Variants in ZNF37A observed in about 807,000 individuals in gnomAD.
ZNF37A encodes zinc finger protein 37a (KOX 21).
ZNF37A carries 10 observed loss-of-function variants against 12.3 expected under a neutral mutation model. The ratio of observed to expected loss-of-function variants is 0.82; its 90% confidence interval spans 0.50 to 1.38. The LOEUF is 1.38. ZNF37A is among the 40% of genes most tolerant of loss of function. ZNF37A has a pLI of 0.00. For missense variants in ZNF37A, 580 were observed against 651.2 expected (o/e 0.89, Z 1.19); for synonymous variants, 207 against 223.0 (o/e 0.93, Z 0.64).
At chr10:38,096,513 G>A (rs2474573) in intron 4 of ZNF37A, 61 bp from the exon 5 acceptor site, 562,851 of 1,182,806 alleles carry the variant, frequency 0.48, 136,363 homozygotes, top group Admixed American at 0.55. Context: ...ATGTTTTGCC[G>A]GCTGCGAAGT....
At chr10:38,133,553 A>G (rs1449876080) in intron 7 of ZNF37A, among the ~76,000 whole-genome samples, 1 of 145,304 alleles carries the variant, frequency 6.9e-6, no homozygotes, top group Non-Finnish European at 1.5e-5. Context: ...CCTATAAGTG[A>G]GAACATGCAG....
chr10:38,131,351 C>A (rs1260555047), intron 7 of ZNF37A, among the ~76,000 whole-genome samples: 1 of 152,040 alleles, frequency 6.6e-6, no homozygotes, highest in Non-Finnish European at 1.5e-5. Flanking sequence ...GATCATAAAT[C>A]TATTTTGTAT....
chr10:38,127,822 G>A (rs1221866657), downstream of ZNF37A, among the ~76,000 whole-genome samples: 8 of 152,210 alleles, frequency 5.3e-5, no homozygotes, highest in African/African-American at 1.9e-4. Flanking sequence ...TATAATGCAT[G>A]CCACAAAAGA....
chr10:38,094,733 T>C (rs1326423981), intron 1 of ZNF37A, among the ~76,000 whole-genome samples, 198 bp from the exon 2 acceptor site: 1 of 152,218 alleles, frequency 6.6e-6, no homozygotes, highest in Non-Finnish European at 1.5e-5. Flanking sequence ...GCCCAATAGA[T>C]GCGCGCTTCT....
chr10:38,146,473 A>G (rs1379793036), intron 7 of ZNF37A, among the ~76,000 whole-genome samples: 2 of 151,944 alleles, frequency 1.3e-5, no homozygotes, highest in Non-Finnish European at 2.9e-5. Context: ...GGGATAAATT[A>G]ATTAAGCCCT....
chr10:38,127,128 A>G (rs934537080), downstream of ZNF37A, among the ~76,000 whole-genome samples: 2 of 152,196 alleles, frequency 1.3e-5, no homozygotes, highest in African/African-American at 4.8e-5. Flanking sequence ...CCCCCAAAAA[A>G]TGTAAGATGA....
At chr10:38,103,606 C>T (rs2067778864) in intron 5 of ZNF37A, among the ~76,000 whole-genome samples, 1 of 151,890 alleles carries the variant, frequency 6.6e-6, no homozygotes, top group Non-Finnish European at 1.5e-5. Context: ...TCTTTGCATG[C>T]CTCATAATTT....
rs1180153334 is a variant in ZNF37A, at chr10:38,117,709, A to T, written c.558A>T (p.Ser186=). Residue 186 remains serine, a synonymous_variant, in exon 8 of 8, where the codon TCA becomes TCT. Coordinates refer to ENST00000685332, the MANE Select transcript of ZNF37A (RefSeq NM_001324250.3). ...AACATGGGAAAACCTGTGATATGTC[A>T]TTTTTCATCACTCATCAGCAAACAC... ...YTEHGKTCDM[S]FFITHQQTHP... 1 of 1,613,962 alleles carries T rather than the reference A, an allele frequency of 6.2e-7. No homozygotes were observed.
chr10:38,136,391 C>T (rs542490816), intron 7 of ZNF37A, among the ~76,000 whole-genome samples: 3 of 152,190 alleles, frequency 2.0e-5, no homozygotes, highest in African/African-American at 2.4e-5. Context: ...TGACTTCAGG[C>T]GATCCACCCA....
chr10:38,126,164 A>G (rs2069922519), downstream of ZNF37A, among the ~76,000 whole-genome samples: 2 of 152,210 alleles, frequency 1.3e-5, no homozygotes. Flanking sequence ...TGAGAAATTT[A>G]ACATTTGTCA....
rs1382026082 is a variant in ZNF37A, at chr10:38,102,287, G to GT, written c.15+5662dup. Among the ~76,000 whole-genome samples the GT allele has an allele frequency of 1.2e-4, 18 of 151,640 alleles. No individual in the cohort carries two copies. In the East Asian group the frequency reaches 2.9e-3, roughly 25 times the overall value. On this transcript the variant is annotated intron_variant, in intron 5 of 7. Coordinates refer to ENST00000685332, the MANE Select transcript of ZNF37A (RefSeq NM_001324250.3). Reference sequence around the variant, plus strand: ...TTTTTCTGTGTATGCCTTCTTTTGTGTTTTTTTCTAACGTGCCATTTTAAT... The same window carrying GT: ...TTTTTCTGTGTATGCCTTCTTTTGTGTTTTTTTTCTAACGTGCCATTTTAAT...
exon 8 of ZNF37A, chr10:38,147,942 G>A (rs2070275270): frequency 6.6e-6 from 1 of 152,116 alleles, no homozygotes; most frequent in Non-Finnish European, 1.5e-5. Flanking sequence ...AATTGATTTC[G>A]ATGAGTTAAG....
chr10:38,147,514 C>T (rs2070269924), exon 8 of ZNF37A: 1 of 152,138 alleles, frequency 6.6e-6, no homozygotes, highest in African/African-American at 2.4e-5. Context: ...AAGATTTATT[C>T]AGAGTATCCT....
chr10:38,120,274 C>G lies in ZNF37A; in HGVS notation c.*1437C>G, dbSNP rs1191191890. ...TGAAACCCTGTCTCTACTAAAAATACAAAAATTAGCCGGGCATGGTGGTGC... is the reference window on the plus strand; with the variant it reads ...TGAAACCCTGTCTCTACTAAAAATAGAAAAATTAGCCGGGCATGGTGGTGC... On this transcript the variant is annotated 3_prime_UTR_variant, in exon 8 of 8. Transcript: ENST00000685332. 2.0e-5 allele frequency: 3 copies of G among 151,896 alleles called. No homozygotes were observed. Among genetic ancestry groups the G allele is most frequent in the Admixed American group, 6.6e-5 (1 of 15,230 alleles). The allele number at this position is 151,896 out of a possible 1,614,324, so 9.4% of individuals were successfully genotyped here.
rs1590927230 is a variant in ZNF37A at position 38,121,388 on chromosome 10, C to G, written c.*2551C>G. The G allele has an allele frequency of 6.6e-6, 1 of 152,116 alleles. No individual in the cohort carries two copies. The highest frequency in any genetic ancestry group is 1.5e-5 in the Non-Finnish European group (1 of 68,016). The allele number at this position is 152,116 out of a possible 1,614,324, so 9.4% of individuals were successfully genotyped here. ...AAAAAATCAGTGTGGACTTCCATTC[C>G]TCTTTCTTTTGATTCCCCCCTTTGA... On this transcript the variant is annotated 3_prime_UTR_variant, in exon 8 of 8. Coordinates refer to ENST00000685332, the MANE Select transcript of ZNF37A (RefSeq NM_001324250.3).
At chr10:38,112,815 T>C (rs562758573) in intron 5 of ZNF37A, among the ~76,000 whole-genome samples, 12 of 119,362 alleles carry the variant, frequency 1.0e-4, no homozygotes, top group East Asian at 4.2e-4. Flanking sequence ...CTTGTCTTCT[T>C]TTCTTTTCTT....
In ZNF37A at chr10:38,122,230, C is replaced by T. The variant is rs2069739987; in HGVS notation, c.*3393C>T. 1.3e-5 allele frequency: 2 copies of T among 151,262 alleles called. No homozygotes were observed. Among genetic ancestry groups the T allele is most frequent in the South Asian group, 4.2e-4 (2 of 4,794 alleles). The allele number at this position is 151,262 out of a possible 1,614,324, so 9.4% of individuals were successfully genotyped here. ...TCTAGCCTGGAAGACAGAGTGAGAC[C>T]CCATCTCAGGAAAAAAGAAAAAAAA... On this transcript the variant is annotated 3_prime_UTR_variant, in exon 8 of 8. Coordinates refer to ENST00000685332, the MANE Select transcript of ZNF37A (RefSeq NM_001324250.3).
At chr10:38,108,933 A>G (rs570221255) in intron 5 of ZNF37A, among the ~76,000 whole-genome samples, 1 of 152,338 alleles carries the variant, frequency 6.6e-6, no homozygotes, top group South Asian at 2.1e-4. Context: ...ATTCCCTCTT[A>G]AAGTATTCCA....
Position 38,118,084 on chromosome 10 carries a change from T to A in ZNF37A, c.933T>A (p.Asn311Lys). ...AATGTGGGAAGACCTTCTATAAGAATTCAGACCTCATTAAACATCAAAGAA... is the reference window on the plus strand; with the variant it reads ...AATGTGGGAAGACCTTCTATAAGAAATCAGACCTCATTAAACATCAAAGAA... ...CHECGKTFYK[N>K]SDLIKHQRIH... Residue 311 changes from asparagine to lysine, a missense_variant, in exon 8 of 8, where the codon AAT becomes AAA. Coordinates refer to ENST00000685332, the MANE Select transcript of ZNF37A (RefSeq NM_001324250.3). 6.2e-7 allele frequency: 1 copy of A among 1,612,728 alleles called. No homozygotes were observed. The highest frequency in any genetic ancestry group is 8.5e-7 in the Non-Finnish European group (1 of 1,179,554).
Sources: gnomAD v4.1 joint callset for allele counts (sites outside exome capture counted in the v4.1 genomes callset) on GRCh38, gnomAD v4.1.1 for gene constraint, MANE v1.5 for transcripts, NCBI Gene and HGNC (gene_info 2026-07-23, HGNC 2026-07-21) for gene names.